SDK1: variants seen among roughly 807,000 people sequenced by gnomAD.
The protein encoded by SDK1 is sidekick cell adhesion molecule 1.
In SDK1, 157 loss-of-function variants were observed where a neutral mutation model predicts 245.5. That is an observed-to-expected ratio of 0.64 (90% CI 0.56 to 0.73). The LOEUF (loss-of-function observed/expected upper bound fraction) is 0.73, where lower values mean the gene tolerates loss of function less well. Among genes scored for constraint, SDK1 ranks in the 30% least tolerant of loss-of-function variants. The probability of loss-of-function intolerance (pLI) is 0.00; values close to 1 mark genes in which losing one functional copy is unlikely to be tolerated. For missense variants in SDK1, 3,583 were observed against 3,002.3 expected (o/e 1.19, Z -4.52); for synonymous variants, 1,647 against 1,278.5 (o/e 1.29, Z -6.15).
In SDK1 at chr7:3,546,249, T is replaced by C. The variant is rs550472777; in HGVS notation, c.299-72831T>C. ...CTGGGAACCACACTGTAACGAACAATGATGTACAGGAAAGGGCACTGGAAA... is the reference window on the plus strand; with the variant it reads ...CTGGGAACCACACTGTAACGAACAACGATGTACAGGAAAGGGCACTGGAAA... On this transcript the variant is annotated intron_variant, in intron 1 of 44. Coordinates refer to ENST00000404826, the MANE Select transcript of SDK1 (RefSeq NM_152744.4). 8.5e-5 allele frequency among the ~76,000 whole-genome samples: 13 copies of C among 152,140 alleles called. No individual in the cohort carries two copies. In the East Asian group the frequency reaches 2.3e-3, roughly 27 times the overall value.
chr7:4,073,015 T>G lies in SDK1; in HGVS notation c.3011-3983T>G, dbSNP rs184895420. On this transcript the variant is annotated intron_variant, in intron 20 of 44. Coordinates refer to ENST00000404826, the MANE Select transcript of SDK1 (RefSeq NM_152744.4). The stretch of plus-strand genomic sequence containing the variant: ...AGGATGCAGACAGACAGTTTGTGAT[T>G]GGATGCACTGCTCTCTTCTAGAGAA... 1.5e-3 allele frequency among the ~76,000 whole-genome samples: 231 copies of G among 152,382 alleles called. 1 individual carries two copies. The Middle Eastern group carries it at 0.017, about 11-fold the overall frequency.
chr7:3,361,362 C>G (rs768627767), intron 1 of SDK1, among the ~76,000 whole-genome samples: 1 of 152,140 alleles, frequency 6.6e-6, no homozygotes, highest in Non-Finnish European at 1.5e-5. Context: ...CTCTGTGTTC[C>G]TTGTTCTTCT....
intron 5 of SDK1, among the ~76,000 whole-genome samples, chr7:3,834,798 C>T (rs1412324149): frequency 1.3e-5 from 2 of 152,122 alleles, no homozygotes; most frequent in Non-Finnish European, 2.9e-5. Flanking sequence ...GTAATAAGGG[C>T]TCAGTAAATA....
intron 5 of SDK1, among the ~76,000 whole-genome samples, chr7:3,850,314 G>A (rs1780387800): frequency 6.6e-6 from 1 of 152,134 alleles, no homozygotes; most frequent in Admixed American, 6.5e-5. Context: ...GTAAATATAT[G>A]GAAAGCATGT....
Position 4,260,693 on chromosome 7 carries a change from T to C in SDK1, c.6382-4431T>C, listed in dbSNP as rs181436411. On this transcript the variant is annotated intron_variant, in intron 44 of 44. Transcript: ENST00000404826. ...GTTCATCGTCACCTGATAGGGAAGC[T>C]GGCTGCTCCAGGGTCTCTGCGTGTG... Among the ~76,000 whole-genome samples, 362 of 149,106 alleles carry C rather than the reference T, an allele frequency of 2.4e-3. 4 individuals are homozygous for C. The highest frequency in any genetic ancestry group is 8.5e-3 in the African/African-American group (343 of 40,250).
intron 32 of SDK1, among the ~76,000 whole-genome samples, chr7:4,173,409 A>G (rs916121610): frequency 2.0e-5 from 3 of 152,132 alleles, no homozygotes; most frequent in African/African-American, 4.8e-5. Flanking sequence ...AGGAAAAGGC[A>G]AGCCTTGCGC....
At chr7:4,041,122 G>A (rs918152859) in intron 17 of SDK1, among the ~76,000 whole-genome samples, 1 of 152,108 alleles carries the variant, frequency 6.6e-6, no homozygotes, top group African/African-American at 2.4e-5. Context: ...TCACAGATGA[G>A]AAACAACCTG....
intron 1 of SDK1, among the ~76,000 whole-genome samples, chr7:3,613,991 C>G (rs1016177843): frequency 2.0e-5 from 3 of 151,954 alleles, no homozygotes. Context: ...AGGATGAGAG[C>G]GGGGAGAGGA....
intron 1 of SDK1, among the ~76,000 whole-genome samples, chr7:3,605,600 A>G (rs1308583780): frequency 6.6e-6 from 1 of 152,226 alleles, no homozygotes; most frequent in African/African-American, 2.4e-5. Context: ...CTTGAATAAT[A>G]GAAATGTCAC....
chr7:3,787,097 T>C (rs1780924058), intron 4 of SDK1, among the ~76,000 whole-genome samples: 1 of 151,916 alleles, frequency 6.6e-6, no homozygotes, highest in Non-Finnish European at 1.5e-5. Flanking sequence ...CTTGACAATA[T>C]ATTCGTGTCA....
intron 4 of SDK1, among the ~76,000 whole-genome samples, chr7:3,657,902 C>T (rs1345060940): frequency 6.6e-6 from 1 of 152,094 alleles, no homozygotes; most frequent in Non-Finnish European, 1.5e-5. Context: ...AGACATAGAG[C>T]CGAGGATGGA....
intron 1 of SDK1, among the ~76,000 whole-genome samples, chr7:3,576,908 T>C (rs990734006): frequency 4.6e-5 from 7 of 152,066 alleles, no homozygotes; most frequent in African/African-American, 1.7e-4. Context: ...AGTAGCAGTT[T>C]AGTTTCCTCA....
In SDK1 at chr7:3,344,325, G is replaced by A. The variant is rs148615519; in HGVS notation, c.298+42441G>A. ...TAGCATCAAATACGTTCACATTGTC[G>A]TGCATCTAGTCTCCACAGCTACTTT... is the stretch of plus-strand genomic sequence containing the variant. On this transcript the variant is annotated intron_variant, in intron 1 of 44. Transcript: ENST00000404826. Among the ~76,000 whole-genome samples the A allele has an allele frequency of 1.4e-3, 219 of 152,218 alleles. 4 individuals carry two copies. The highest frequency in any genetic ancestry group is 5.0e-3 in the African/African-American group (207 of 41,516).
chr7:3,402,928 T>C (rs1470907462), intron 1 of SDK1, among the ~76,000 whole-genome samples: 3 of 151,414 alleles, frequency 2.0e-5, no homozygotes, highest in Non-Finnish European at 4.4e-5. Flanking sequence ...AGATGAAACA[T>C]TTCTATTCCT....
rs1264572350 is a variant in SDK1, at chr7:3,535,149, A to C, written c.299-83931A>C. Among the ~76,000 whole-genome samples the C allele has an allele frequency of 2.0e-5, 3 of 152,068 alleles. No homozygotes were observed. The South Asian group carries it at 6.2e-4, about 32-fold the overall frequency. ...AAATTAGCTGGGCATGGTGATACGC[A>C]CCTGTAATCCCAGCTACTCAGGAGA... is the stretch of plus-strand genomic sequence containing the variant. On this transcript the variant is annotated intron_variant, in intron 1 of 44. Coordinates refer to ENST00000404826, the MANE Select transcript of SDK1 (RefSeq NM_152744.4).
At chr7:3,915,013 A>G (rs1779316118) in intron 5 of SDK1, among the ~76,000 whole-genome samples, 2 of 152,194 alleles carry the variant, frequency 1.3e-5, no homozygotes, top group Admixed American at 6.5e-5. Flanking sequence ...CCTTCAGTCA[A>G]CTTTGTAAGG....
intron 32 of SDK1, among the ~76,000 whole-genome samples, chr7:4,169,828 C>T (rs902415497): frequency 6.6e-6 from 1 of 152,142 alleles, no homozygotes; most frequent in Non-Finnish European, 1.5e-5. Flanking sequence ...CCCCTGGGCA[C>T]AGAGCTCTCC....
intron 1 of SDK1, among the ~76,000 whole-genome samples, chr7:3,499,770 G>A (rs958609541): frequency 6.6e-6 from 1 of 152,144 alleles, no homozygotes; most frequent in African/African-American, 2.4e-5. Context: ...CCCCTTCTGT[G>A]GAAGTTAGTG....
intron 4 of SDK1, among the ~76,000 whole-genome samples, chr7:3,750,678 C>G (rs756238093): frequency 6.6e-6 from 1 of 152,164 alleles, no homozygotes; most frequent in African/African-American, 2.4e-5. Context: ...GAGTTCTTTG[C>G]TCAAATTGGA....
Sources: gnomAD v4.1 joint callset for allele counts (sites outside exome capture counted in the v4.1 genomes callset) on GRCh38, gnomAD v4.1.1 for gene constraint, MANE v1.5 for transcripts, NCBI Gene and HGNC (gene_info 2026-07-23, HGNC 2026-07-21) for gene names.